The following CCDC88C variants were observed in gnomAD, a reference collection of about 807,000 sequenced individuals.
CCDC88C encodes the protein protein Daple.
Under a neutral mutation model 198.8 loss-of-function variants are expected in CCDC88C, and 131 were observed. The ratio of observed to expected loss-of-function variants is 0.66; its 90% confidence interval spans 0.57 to 0.76. The LOEUF is 0.76. Ranked by LOEUF, CCDC88C falls within the 30% of genes least tolerant of loss-of-function variation. The pLI, the probability that CCDC88C is intolerant of heterozygous loss-of-function variation, is 0.00. For synonymous variants in CCDC88C, 1,166 were observed against 1,114.7 expected (o/e 1.05, Z -0.92); for missense variants, 2,553 against 2,631.6 (o/e 0.97, Z 0.65).
rs191939992 is a variant in CCDC88C at position 91,381,349 on chromosome 14, G to A, written c.271-21638C>T. Among the ~76,000 whole-genome samples the A allele has an allele frequency of 1.6e-4, 25 of 152,316 alleles. No homozygotes were observed. Among genetic ancestry groups the A allele is most frequent in the African/African-American group, 4.3e-4 (18 of 41,560 alleles). On this transcript the variant is annotated intron_variant, in intron 3 of 29. Coordinates refer to ENST00000389857, the MANE Select transcript of CCDC88C (RefSeq NM_001080414.4). This position sits in a 1 kb window ranked among gnomAD's most constrained non-coding sequence, Gnocchi z 4.2. Reference sequence around the variant, plus strand: ...GGACACAGATGTGACCAACCAGCCCGCAAACTTGGGGAGGAATTTTTTGGG... The same window carrying A: ...GGACACAGATGTGACCAACCAGCCCACAAACTTGGGGAGGAATTTTTTGGG...
At chr14:91,393,393 G>A (rs992779030) in intron 3 of CCDC88C, among the ~76,000 whole-genome samples, 2 of 152,170 alleles carry the variant, frequency 1.3e-5, no homozygotes, top group African/African-American at 2.4e-5. Flanking sequence ...CAACCTGAGC[G>A]AATTCTACCT....
intron 25 of CCDC88C, chr14:91,285,568 G>T: frequency 1.8e-6 from 2 of 1,096,942 alleles, no homozygotes. Context: ...GGAGGGGTCC[G>T]CTATCGGCCA....
At chr14:91,357,499 A>C (rs1400655008) in intron 4 of CCDC88C, among the ~76,000 whole-genome samples, 1 of 152,244 alleles carries the variant, frequency 6.6e-6, no homozygotes, top group African/African-American at 2.4e-5. Context: ...TTCAGTGCCA[A>C]GCACAGGGTG....
intron 3 of CCDC88C, among the ~76,000 whole-genome samples, chr14:91,370,584 C>T (rs1894746821): frequency 2.0e-5 from 3 of 152,150 alleles, no homozygotes; most frequent in Admixed American, 6.5e-5. Flanking sequence ...ACACGGCATT[C>T]GACTCCTTGG....
Position 91,307,242 on chromosome 14 carries a change from T to C in CCDC88C, c.3007-16A>G, listed in dbSNP as rs779681924. The stretch of plus-strand genomic sequence containing the variant: ...CCTTCTTTAGCTACAGGTGTGACAA[T>C]AAGCAAGGAGGCTTTAGGCGGAAGC... On this transcript the variant is annotated splice_polypyrimidine_tract_variant and intron_variant, in intron 17 of 29. Coordinates refer to ENST00000389857, the MANE Select transcript of CCDC88C (RefSeq NM_001080414.4). The C allele has an allele frequency of 5.0e-6, 8 of 1,611,406 alleles. 1 individual carries two copies. The African/African-American group carries it at 6.7e-5, about 13-fold the overall frequency.
In CCDC88C at chr14:91,416,224, G is replaced by C. The variant is rs569406576; in HGVS notation, c.161+514C>G. On this transcript the variant is annotated intron_variant, in intron 2 of 29. Transcript: ENST00000389857. Reference sequence around the variant, plus strand: ...TCCTAACACTGTGACTTTAAACTCAGTCCATACAGTAGGACTTAATGAATT... The same window carrying C: ...TCCTAACACTGTGACTTTAAACTCACTCCATACAGTAGGACTTAATGAATT... Among the ~76,000 whole-genome samples the C allele has an allele frequency of 2.0e-5, 3 of 152,300 alleles. No homozygotes were observed. In the South Asian group the frequency reaches 6.2e-4, roughly 32 times the overall value.
intron 29 of CCDC88C, among the ~76,000 whole-genome samples, chr14:91,277,223 C>G (rs939300156): frequency 6.6e-6 from 1 of 152,142 alleles, no homozygotes; most frequent in Non-Finnish European, 1.5e-5. Flanking sequence ...AGATGGTGGC[C>G]AGGCTGGTCT....
At chr14:91,359,028 A>G (rs1894172519) in intron 4 of CCDC88C, among the ~76,000 whole-genome samples, 1 of 152,024 alleles carries the variant, frequency 6.6e-6, no homozygotes, top group Non-Finnish European at 1.5e-5. Context: ...CTGATTCCAC[A>G]CTTACTGAGG....
In CCDC88C at chr14:91,334,293, G is replaced by A. The variant is rs140495295; in HGVS notation, c.1050+3712C>T. ...GTCTCACTCTGTCGCCCAGACTGGA[G>A]TGCAGTGGCACGATCTCGGCTCACC... On this transcript the variant is annotated intron_variant, in intron 10 of 29. Coordinates refer to ENST00000389857, the MANE Select transcript of CCDC88C (RefSeq NM_001080414.4). Among the ~76,000 whole-genome samples the A allele has an allele frequency of 3.9e-3, 588 of 152,344 alleles. 1 individual carries two copies. Among genetic ancestry groups the A allele is most frequent in the Non-Finnish European group, 7.1e-3 (483 of 68,030 alleles).
intron 16 of CCDC88C, among the ~76,000 whole-genome samples, chr14:91,309,480 T>TGTGGTCCCAGCTAGGTA (rs917484083): frequency 6.6e-6 from 1 of 151,894 alleles, no homozygotes; most frequent in Non-Finnish European, 1.5e-5. Flanking sequence ...GGTGCATGCC[T>TGTGGTCCCAGCTAGGTA]GTGGTCCCAG....
chr14:91,273,693 G>A lies in CCDC88C; in HGVS notation c.5059-40C>T, dbSNP rs758118736. The A allele has an allele frequency of 7.1e-7, 1 of 1,415,244 alleles. No homozygotes were observed. The highest frequency in any genetic ancestry group is 2.7e-5 in the Admixed American group (1 of 37,040). The allele number at this position is 1,415,244 out of a possible 1,614,324, so 87.7% of individuals were successfully genotyped here. A position where few individuals can be genotyped will look rare whatever the true frequency, so the allele number is the denominator to read the frequency against. On this transcript the variant is annotated intron_variant, in intron 29 of 29. Coordinates refer to ENST00000389857, the MANE Select transcript of CCDC88C (RefSeq NM_001080414.4). The surrounding 1 kb of genome is among the most constrained non-coding windows in gnomAD (Gnocchi z 5.6). ...GTGAAGGTTGGAGGTGGGCATGAGG[G>A]TTGGGTGGGTCCTTGGAGCCGCCTC...
In CCDC88C at chr14:91,356,430, C is replaced by A. The variant is rs1165899665; in HGVS notation, c.340+3212G>T. 2.0e-5 allele frequency among the ~76,000 whole-genome samples: 3 copies of A among 152,194 alleles called. No individual in the cohort carries two copies. In the East Asian group the frequency reaches 5.8e-4, roughly 29 times the overall value. ...TGGGTAGAGTTATTCCCGTCCTTCACTTTCCCAGCCCTCACTGTCCAGTTT... is the reference window on the plus strand; with the variant it reads ...TGGGTAGAGTTATTCCCGTCCTTCAATTTCCCAGCCCTCACTGTCCAGTTT... On this transcript the variant is annotated intron_variant, in intron 4 of 29. Coordinates refer to ENST00000389857, the MANE Select transcript of CCDC88C (RefSeq NM_001080414.4).
intron 10 of CCDC88C, among the ~76,000 whole-genome samples, chr14:91,334,465 C>T (rs1173521533): frequency 6.6e-6 from 1 of 152,176 alleles, no homozygotes; most frequent in Admixed American, 6.5e-5. Flanking sequence ...CCAGGCTGGT[C>T]TTGAACTCCT....
chr14:91,321,061 G>A, intron 13 of CCDC88C, 59 bp downstream of exon 13: 1 of 1,474,374 alleles, frequency 6.8e-7, no homozygotes, highest in Non-Finnish European at 9.1e-7. Flanking sequence ...TCACTGGGGA[G>A]GATGGGAGGG....
At chr14:91,329,292 G>A (rs963321511) in intron 10 of CCDC88C, among the ~76,000 whole-genome samples, 2 of 152,202 alleles carry the variant, frequency 1.3e-5, no homozygotes, top group Non-Finnish European at 2.9e-5. Context: ...AGTTATTAAG[G>A]AACAAGGGAG....
At position 91,273,001 on chromosome 14, in the gene CCDC88C, G is replaced by A. The variant is rs867693333; in HGVS notation, c.5711C>T (p.Thr1904Ile). ...ACCTGCAGTGGCAATGGCGGGGGCT[G>A]TGGCAGACTGATGCAGGGGGGCCAG... ...ERLAPLHQSA[T>I]APAIATAGAG... Residue 1904 changes from threonine (T) to isoleucine (I), a missense_variant, in exon 30 of 30, where the codon ACA becomes ATA. Around this residue, in one of 2 missense-constraint regions of CCDC88C, gnomAD observed 1,293 missense variants for 1,219.6 expected, o/e 1.06. Coordinates refer to ENST00000389857, the MANE Select transcript of CCDC88C (RefSeq NM_001080414.4). This position sits in a 1 kb window ranked among gnomAD's most constrained non-coding sequence, Gnocchi z 5.6. 5 of 1,552,900 alleles carry A rather than the reference G, an allele frequency of 3.2e-6. No individual in the cohort carries two copies. In the South Asian group the frequency reaches 3.5e-5, roughly 11 times the overall value.
intron 2 of CCDC88C, among the ~76,000 whole-genome samples, chr14:91,414,660 C>CT (rs1274605971): frequency 6.6e-6 from 1 of 152,204 alleles, no homozygotes; most frequent in African/African-American, 2.4e-5. Context: ...CCCACCCGCT[C>CT]TCTCTTCTCT....
At chr14:91,336,928 C>A (rs2139854199) in intron 10 of CCDC88C, among the ~76,000 whole-genome samples, 1 of 152,366 alleles carries the variant, frequency 6.6e-6, no homozygotes, top group Admixed American at 6.5e-5. Flanking sequence ...CGGTGCTCTG[C>A]CTTCGGTGGC....
intron 3 of CCDC88C, among the ~76,000 whole-genome samples, chr14:91,375,577 A>G (rs928314677): frequency 5.0e-4 from 76 of 152,126 alleles, no homozygotes; most frequent in African/African-American, 1.6e-3. Flanking sequence ...CCTGCTCACG[A>G]GGCAGACCAG....
Sources: allele counts gnomAD v4.1 joint callset (sites outside exome capture counted in the v4.1 genomes callset), GRCh38; gene constraint gnomAD v4.1.1; regional missense constraint gnomAD v4.1.1; non-coding constraint Gnocchi (gnomAD v3.1); transcripts MANE v1.5; gene names NCBI Gene and HGNC (gene_info 2026-07-23, HGNC 2026-07-21).